The following PCDH15 variants were observed in gnomAD, a reference collection of about 807,000 sequenced individuals.
The protein encoded by PCDH15 is protocadherin-15.
PCDH15 carries 129 observed loss-of-function variants against 178.5 expected under a neutral mutation model. The ratio of observed to expected loss-of-function variants is 0.72; its 90% CI spans 0.63 to 0.84. PCDH15 has a LOEUF of 0.84. PCDH15 is among the 40% of genes least tolerant of loss of function. The pLI, the probability that PCDH15 is intolerant of heterozygous loss-of-function variation, is 0.00. For synonymous variants in PCDH15, 800 were observed against 732.0 expected (o/e 1.09, Z -1.50); for missense variants, 2,230 against 2,099.9 (o/e 1.06, Z -1.21).
intron 20 of PCDH15, among the ~76,000 whole-genome samples, chr10:54,015,130 G>T (rs1203726435): frequency 6.6e-6 from 1 of 151,974 alleles, no homozygotes; most frequent in Non-Finnish European, 1.5e-5. Flanking sequence ...TCCAAGCTGA[G>T]GGCCAAATCA....
At chr10:54,034,892 T>C (rs2093380688) in intron 18 of PCDH15, among the ~76,000 whole-genome samples, 1 of 152,014 alleles carries the variant, frequency 6.6e-6, no homozygotes, top group Admixed American at 6.6e-5. Flanking sequence ...TATACACACA[T>C]TTTTAGAAGT....
At chr10:54,491,308 C>A (rs1401189518) in intron 3 of PCDH15, among the ~76,000 whole-genome samples, 46 of 133,332 alleles carry the variant, frequency 3.5e-4, no homozygotes, top group African/African-American at 3.8e-4. Flanking sequence ...TATGATGTCT[C>A]AAAAAAAAAA....
chr10:54,241,581 C>T (rs1325699755), intron 8 of PCDH15, among the ~76,000 whole-genome samples: 4 of 152,146 alleles, frequency 2.6e-5, no homozygotes, highest in African/African-American at 9.7e-5. Context: ...TACTTTGCCT[C>T]TGAAGCAAAG....
chr10:55,382,906 C>T (rs1222266017), intron 2 of PCDH15, among the ~76,000 whole-genome samples: 1 of 152,132 alleles, frequency 6.6e-6, no homozygotes, highest in East Asian at 1.9e-4. Flanking sequence ...TGCTCCAGGC[C>T]CACAGCAGCA....
At position 53,827,443 on chromosome 10, in the gene PCDH15, C is replaced by T. The variant is rs370470900; in HGVS notation, c.4317G>A (p.Pro1439=). The part of the protein sequence containing the change: ...PAPVAAPPPP[P]PPPPGAHLYE... ...AGAGATGCGCACCTGGCGGAGGCGGCGGCGGCGGCGGGGGCGCTGCCACTG... is the reference window on the plus strand; with the variant it reads ...AGAGATGCGCACCTGGCGGAGGCGGTGGCGGCGGCGGGGGCGCTGCCACTG... Residue 1439 remains proline, a synonymous_variant, in exon 32 of 38, where the codon CCG becomes CCA. Transcript: ENST00000644397. The T allele has an allele frequency of 6.0e-5, 97 of 1,612,840 alleles. No homozygotes were observed. Among genetic ancestry groups the T allele is most frequent in the Non-Finnish European group, 7.6e-5 (90 of 1,179,298 alleles).
chr10:53,983,309 AT>A (rs1197494213), intron 21 of PCDH15, among the ~76,000 whole-genome samples: 3 of 151,042 alleles, frequency 2.0e-5, no homozygotes, highest in Non-Finnish European at 4.4e-5. Context: ...ACTTAGTCAT[AT>A]TTTAGTGAAT....
chr10:55,082,639 T>A (rs1034548726), intron 2 of PCDH15, among the ~76,000 whole-genome samples: 1 of 144,948 alleles, frequency 6.9e-6, no homozygotes, highest in African/African-American at 2.5e-5. Flanking sequence ...TTTAAAAAGA[T>A]AAAATTGACA....
chr10:54,980,058 C>G (rs1839191730), intron 2 of PCDH15, among the ~76,000 whole-genome samples: 1 of 152,090 alleles, frequency 6.6e-6, no homozygotes, highest in Non-Finnish European at 1.5e-5. Flanking sequence ...TGATTGGTGG[C>G]CATCCATTAC....
intron 18 of PCDH15, among the ~76,000 whole-genome samples, chr10:54,063,905 G>A (rs2094083609): frequency 6.6e-6 from 1 of 152,182 alleles, no homozygotes; most frequent in African/African-American, 2.4e-5. Context: ...GGGGCTCCCT[G>A]AAGAGCCGCA....
At chr10:54,656,534 G>A (rs978970859) in intron 2 of PCDH15, among the ~76,000 whole-genome samples, 1 of 152,184 alleles carries the variant, frequency 6.6e-6, no homozygotes, top group African/African-American at 2.4e-5. Flanking sequence ...GAACTGAGAT[G>A]TCAAGTGCCG....
intron 29 of PCDH15, among the ~76,000 whole-genome samples, chr10:53,838,627 G>A (rs377117273): frequency 2.0e-5 from 3 of 152,016 alleles, no homozygotes; most frequent in East Asian, 3.9e-4. Context: ...ACTAATGTAT[G>A]CAAAAAACAC....
chr10:55,479,574 A>G (rs1040384028), intron 2 of PCDH15, among the ~76,000 whole-genome samples: 9 of 151,678 alleles, frequency 5.9e-5, no homozygotes, highest in Non-Finnish European at 3.0e-5. Flanking sequence ...GAATGAGGAA[A>G]TGTTAAAAGT....
intron 4 of PCDH15, among the ~76,000 whole-genome samples, chr10:54,375,950 A>G (rs958369752): frequency 1.6e-5 from 2 of 123,590 alleles, no homozygotes; most frequent in African/African-American, 2.7e-5. Flanking sequence ...GCTGGAGTGC[A>G]GTGGTGTGAT....
intron 2 of PCDH15, among the ~76,000 whole-genome samples, chr10:55,131,463 G>T (rs1243028487): frequency 6.6e-6 from 1 of 152,176 alleles, no homozygotes; most frequent in African/African-American, 2.4e-5. Context: ...GTGGTGAGTG[G>T]CGGTGGAGGT....
chr10:54,936,379 C>G (rs1247192826), intron 2 of PCDH15, among the ~76,000 whole-genome samples: 1 of 151,912 alleles, frequency 6.6e-6, no homozygotes, highest in African/African-American at 2.4e-5. Context: ...GTTTTCCCTT[C>G]TCTTGGGTAT....
At chr10:54,482,885 A>G (rs1362912764) in intron 3 of PCDH15, among the ~76,000 whole-genome samples, 1 of 151,854 alleles carries the variant, frequency 6.6e-6, no homozygotes, top group Non-Finnish European at 1.5e-5. Context: ...TAGAGCTTGC[A>G]TACTGACTGC....
At chr10:55,560,899 G>T (rs2132098721) in intron 2 of PCDH15, among the ~76,000 whole-genome samples, 1 of 151,812 alleles carries the variant, frequency 6.6e-6, no homozygotes, top group Non-Finnish European at 1.5e-5. Flanking sequence ...GGAAAATAAA[G>T]AGTAACTTTT....
At chr10:55,298,230 C>T (rs948152898) in intron 1 of PCDH15, among the ~76,000 whole-genome samples, 1 of 152,108 alleles carries the variant, frequency 6.6e-6, no homozygotes, top group Non-Finnish European at 1.5e-5. Context: ...AGGATTTTCA[C>T]AAAGCACAAT....
chr10:53,881,763 G>C (rs1055593168), intron 26 of PCDH15, among the ~76,000 whole-genome samples: 1 of 151,970 alleles, frequency 6.6e-6, no homozygotes, highest in Non-Finnish European at 1.5e-5. Flanking sequence ...GTGAATTGTG[G>C]TTCACAAAAT....
Sources: gnomAD v4.1 joint callset for allele counts (sites outside exome capture counted in the v4.1 genomes callset) on GRCh38, gnomAD v4.1.1 for gene constraint, MANE v1.5 for transcripts, NCBI Gene and HGNC (gene_info 2026-07-23, HGNC 2026-07-21) for gene names.